Variants in EPS8L1 observed in about 807,000 individuals in gnomAD.
The protein encoded by EPS8L1 is EPS8 signaling adaptor L1.
A neutral mutation model predicts 91.7 loss-of-function variants in EPS8L1; 101 were observed. The ratio of observed to expected loss-of-function variants is 1.10; its 90% CI spans 0.94 to 1.30. EPS8L1 has a LOEUF of 1.30. Ranked by LOEUF, EPS8L1 falls within the 50% of genes most tolerant of loss-of-function variation. The pLI, the probability that EPS8L1 is intolerant of heterozygous loss-of-function variation, is 0.00. For synonymous variants in EPS8L1, 506 were observed against 445.3 expected (o/e 1.14, Z -1.72); for missense variants, 1,114 against 1,017.0 (o/e 1.10, Z -1.30).
rs377304711 is a variant in EPS8L1 at position 55,082,097 on chromosome 19, T to C, written c.907T>C (p.Leu303=). ...RSRRRAAGEG[L]LTLRAKPPSE... ...CGCCCGTCTGCTCCCCTCAGAGGGC[T>C]TGCTGACGCTGCGGGCCAAGCCGCC... The change falls in exon 10 of 20, where the codon TTG becomes CTG. Residue 303 remains leucine (L), a synonymous_variant. Coordinates refer to ENST00000201647, the MANE Select transcript of EPS8L1 (RefSeq NM_133180.3). The C allele has an allele frequency of 1.6e-3, 2,467 of 1,590,462 alleles. 3 individuals carry two copies. The highest frequency in any genetic ancestry group is 1.6e-3 in the Non-Finnish European group (1,910 of 1,169,154).
Position 55,081,147 on chromosome 19 carries a change from G to C in EPS8L1, c.513-84G>C. 1 of 1,417,640 alleles carries C rather than the reference G, an allele frequency of 7.1e-7. No homozygotes were observed. The highest frequency in any genetic ancestry group is 2.5e-5 in the East Asian group (1 of 39,700). 87.8% of individuals were successfully genotyped at this position (1,417,640 alleles called of 1,614,324 possible). On this transcript the variant is annotated intron_variant, in intron 7 of 19. Coordinates refer to ENST00000201647, the MANE Select transcript of EPS8L1 (RefSeq NM_133180.3). The surrounding 1 kb of genome is among the most constrained non-coding windows in gnomAD (Gnocchi z 4.9). ...CACTCCCTTTGAGCCTTTTGAGCCT[G>C]TGTGTCTCGTTCTGCGCCCTGGATT...
chr19:55,087,269 C>G, intron 18 of EPS8L1, 34 bp from the exon 19 acceptor site: 4 of 1,567,958 alleles, frequency 2.6e-6, no homozygotes, highest in Non-Finnish European at 3.5e-6. Context: ...CATCCGCCGA[C>G]CGGCCTGACC....
chr19:55,080,411 G>C (rs192213513), intron 6 of EPS8L1, 133 bp downstream of exon 6: 1 of 1,586,070 alleles, frequency 6.3e-7, no homozygotes, highest in East Asian at 2.3e-5. Context: ...AAGGGCAGGG[G>C]ACCTGGGAAG....
chr19:55,080,826 C>T lies in EPS8L1; in HGVS notation c.484C>T (p.Arg162Cys), dbSNP rs1447691760. Residue 162 changes from arginine to cysteine, a missense_variant, in exon 7 of 20, where the codon CGC becomes TGC. Physicochemically the swap from Arg to Cys is radical, Grantham distance 180. Transcript: ENST00000201647. ...GGCTCTGCACAATTACCGCTCGGGC[C>T]GCGGGGAGCGCAGGGCGGCGGCGCT... ...QGALHNYRSGRGERRAAALRA... is the reference protein window; with the variant it reads ...QGALHNYRSGCGERRAAALRA... The T allele has an allele frequency of 3.1e-6, 5 of 1,611,058 alleles. No homozygotes were observed. Among genetic ancestry groups the T allele is most frequent in the South Asian group, 1.1e-5 (1 of 90,780 alleles).
chr19:55,086,082 T>G lies in EPS8L1; in HGVS notation c.1540T>G (p.Trp514Gly), dbSNP rs764417451. Residue 514 changes from tryptophan (W) to glycine (G), a missense_variant, in exon 16 of 20, where the codon TGG (tryptophan) becomes GGG (glycine). Coordinates refer to ENST00000201647, the MANE Select transcript of EPS8L1 (RefSeq NM_133180.3). ...CCAGGTCCTGGATGACAGTCGTAAG[T>G]GGTGGAAGGTTCGGGACCCAGCGGG... The part of the protein sequence containing the change: ...VLEVLDDSRK[W>G]WKVRDPAGQE... 5 of 1,598,868 alleles carry G rather than the reference T, an allele frequency of 3.1e-6. No homozygotes were observed. Among genetic ancestry groups the G allele is most frequent in the Non-Finnish European group, 4.3e-6 (5 of 1,170,468 alleles).
At position 55,081,862 on chromosome 19, in the gene EPS8L1, G is replaced by A. The variant is rs770918312; in HGVS notation, c.864G>A (p.Arg288=). 3.1e-6 allele frequency: 5 copies of A among 1,609,896 alleles called. No homozygotes were observed. In the South Asian group the frequency reaches 3.3e-5, roughly 11 times the overall value. The change falls in exon 9 of 20, where the codon CGG becomes CGA. Residue 288 remains arginine (R), a synonymous_variant. Transcript: ENST00000201647. This position sits in a 1 kb window ranked among gnomAD's most constrained non-coding sequence, Gnocchi z 4.9. ...AGGCGGCCAGGGTGCTGGAGCACCG[G>A]GAACGCGGCCGCAGGAGCCGGCGCC... is the stretch of plus-strand genomic sequence containing the variant. ...SAEAARVLEH[R]ERGRRSRRRA...
chr19:55,079,148 G>C, intron 4 of EPS8L1, 91 bp downstream of exon 4: 1 of 1,355,288 alleles, frequency 7.4e-7, no homozygotes, highest in East Asian at 2.3e-5. Context: ...AGGCCCCCAA[G>C]CAGGAAGCAT....
In EPS8L1 at chr19:55,087,405, C is replaced by T. The variant is rs1011306183; in HGVS notation, c.2055C>T (p.Ser685=). 2 of 1,614,074 alleles carry T rather than the reference C, an allele frequency of 1.2e-6. No individual in the cohort carries two copies. The highest frequency in any genetic ancestry group is 1.7e-5 in the Admixed American group (1 of 60,024). The stretch of plus-strand genomic sequence containing the variant: ...CCGAGGAGGGGGCACGTGTGTACAG[C>T]CAGGTCACCGTGCAGCGCTCGCTGC... ...VSPEEGARVY[S]QVTVQRSLLE... The change falls in exon 19 of 20, where the codon AGC becomes AGT. Residue 685 remains serine (S), a synonymous_variant. Transcript: ENST00000201647.
rs543244715 is a variant in EPS8L1 at position 55,083,997 on chromosome 19, T to C, written c.1385+353T>C. On this transcript the variant is annotated intron_variant, in intron 14 of 19. Coordinates refer to ENST00000201647, the MANE Select transcript of EPS8L1 (RefSeq NM_133180.3). This position sits in a 1 kb window ranked among gnomAD's most constrained non-coding sequence, Gnocchi z 4.7. ...TTTTCCCAGGGCCTGGGAAGCACCA[T>C]GCCTGGGCTCCCTAGGAGGACAGAG... 252 of 534,284 alleles carry C rather than the reference T, an allele frequency of 4.7e-4. No individual in the cohort carries two copies. The highest frequency in any genetic ancestry group is 3.0e-4 in the Non-Finnish European group (90 of 296,232). 33.1% of individuals were successfully genotyped at this position (534,284 alleles called of 1,614,324 possible). A position where few individuals can be genotyped will look rare whatever the true frequency, so the allele number is the denominator to read the frequency against.
chr19:55,086,634 C>CGGCCCCCCCCCCCCCCCCCCCG, intron 17 of EPS8L1, 80 bp from the exon 18 acceptor site: 1 of 1,374,854 alleles, frequency 7.3e-7, no homozygotes, highest in Non-Finnish European at 9.8e-7. Flanking sequence ...GACGCTGGAG[C>CGGCCCCCCCCCCCCCCCCCCCG]GCCCCCCCGC....
intron 14 of EPS8L1, chr19:55,085,635 A>G (rs1473221422): frequency 1.9e-6 from 1 of 533,072 alleles, no homozygotes; most frequent in East Asian, 3.1e-5. Flanking sequence ...AGTACCCACT[A>G]CATATGCCTA....
Position 55,083,579 on chromosome 19 carries a change from C to T in EPS8L1, c.1357-37C>T, listed in dbSNP as rs1466956514. Reference sequence around the variant, plus strand: ...AAGTCCGGGGGCGCGGCCGGTCCGCCTGGCCCCGCCTGACCCGACTGTCTT... The same window carrying T: ...AAGTCCGGGGGCGCGGCCGGTCCGCTTGGCCCCGCCTGACCCGACTGTCTT... On this transcript the variant is annotated intron_variant, in intron 13 of 19. Coordinates refer to ENST00000201647, the MANE Select transcript of EPS8L1 (RefSeq NM_133180.3). The surrounding 1 kb of genome is among the most constrained non-coding windows in gnomAD (Gnocchi z 4.7). 7.5e-6 allele frequency: 12 copies of T among 1,593,566 alleles called. No homozygotes were observed. The highest frequency in any genetic ancestry group is 1.0e-5 in the Non-Finnish European group (12 of 1,170,294).
chr19:55,076,347 G>C, intron 1 of EPS8L1, 61 bp from the exon 2 acceptor site: 1 of 1,483,616 alleles, frequency 6.7e-7, no homozygotes, highest in South Asian at 1.2e-5. Context: ...TGAGGGAGGA[G>C]GCTGGGGTAG....
Position 55,087,776 on chromosome 19 carries a change from T to G in EPS8L1, c.*162T>G. The G allele has an allele frequency of 5.9e-5, 41 of 689,510 alleles. No homozygotes were observed. The highest frequency in any genetic ancestry group is 9.3e-5 in the East Asian group (3 of 32,112). The allele number at this position is 689,510 out of a possible 1,614,324, so 42.7% of individuals were successfully genotyped here. On this transcript the variant is annotated 3_prime_UTR_variant, in exon 20 of 20. Coordinates refer to ENST00000201647, the MANE Select transcript of EPS8L1 (RefSeq NM_133180.3). ...ACAGACTTAACGATCCTTGCTGCAG[T>G]CCCTCCGGAGAGGATCTGGACTGGC...
intron 18 of EPS8L1, 154 bp downstream of exon 18, chr19:55,087,042 G>T (rs1012010263): frequency 2.5e-5 from 28 of 1,116,806 alleles, no homozygotes; most frequent in Non-Finnish European, 3.2e-5. Context: ...AACACCCAAT[G>T]GCAGGCTGTG....
chr19:55,087,237 G>A (rs1204146968), intron 18 of EPS8L1, 66 bp from the exon 19 acceptor site: 1 of 1,531,974 alleles, frequency 6.5e-7, no homozygotes, highest in Non-Finnish European at 8.7e-7. Flanking sequence ...GGGTGGGCGT[G>A]ACATGATTGT....
In EPS8L1 at chr19:55,081,964, C is replaced by T. The variant is rs2076274866; in HGVS notation, c.901+65C>T. On this transcript the variant is annotated intron_variant, in intron 9 of 19. Transcript: ENST00000201647. This position sits in a 1 kb window ranked among gnomAD's most constrained non-coding sequence, Gnocchi z 4.9. ...ATCTCTTCCAAATGTCCCCGCTCTC[C>T]CCAGGCTCTCCCCTCCCGCCACTTG... The T allele has an allele frequency of 6.4e-7, 1 of 1,561,926 alleles. No homozygotes were observed. The highest frequency in any genetic ancestry group is 8.7e-7 in the Non-Finnish European group (1 of 1,152,864).
In EPS8L1 at chr19:55,081,331, C is replaced by G; in HGVS notation, c.613C>G (p.Arg205Gly). 1.9e-6 allele frequency: 3 copies of G among 1,556,304 alleles called. No homozygotes were observed. The highest frequency in any genetic ancestry group is 2.6e-6 in the Non-Finnish European group (3 of 1,156,426). Residue 205 changes from arginine (R) to glycine (G), a missense_variant, in exon 8 of 20, where the codon CGG (arginine) becomes GGG (glycine). Arg to Gly is a moderately radical substitution (Grantham distance 125, BLOSUM62 -2). Coordinates refer to ENST00000201647, the MANE Select transcript of EPS8L1 (RefSeq NM_133180.3). The surrounding 1 kb of genome is among the most constrained non-coding windows in gnomAD (Gnocchi z 4.9). ...CCGCGCAGTGATCAGCACCGTAGAGCGGGGCGCGGGCCGCGGACGACCCCA... is the reference window on the plus strand; with the variant it reads ...CCGCGCAGTGATCAGCACCGTAGAGGGGGGCGCGGGCCGCGGACGACCCCA... The part of the protein sequence containing the change: ...SVRAVISTVE[R>G]GAGRGRPQAK...
Position 55,082,484 on chromosome 19 carries a change from G to A in EPS8L1, c.1096G>A (p.Ala366Thr), listed in dbSNP as rs1352320162. ...GAACACGTCGGGGGGGCCGGAGTTC[G>A]CGAGCAGTGTGCGGCGGCCGCATCT... ...IVNTSGGPEF[A>T]SSVRRPHLTS... is the part of the protein sequence containing the mutation. Residue 366 changes from alanine (A) to threonine (T), a missense_variant, in exon 12 of 20, where the codon GCG becomes ACG. Coordinates refer to ENST00000201647, the MANE Select transcript of EPS8L1 (RefSeq NM_133180.3). 1 of 1,612,650 alleles carries A rather than the reference G, an allele frequency of 6.2e-7. No homozygotes were observed. Among genetic ancestry groups the A allele is most frequent in the Admixed American group, 1.7e-5 (1 of 59,994 alleles).
Sources: allele counts gnomAD v4.1 joint callset, GRCh38; gene constraint gnomAD v4.1.1; non-coding constraint Gnocchi (gnomAD v3.1); transcripts MANE v1.5; gene names NCBI Gene and HGNC (gene_info 2026-07-23, HGNC 2026-07-21).